Variants in GRK5 observed in about 807,000 individuals in gnomAD.
GRK5 encodes the protein g protein-coupled receptor kinase GRK5.
A neutral mutation model predicts 78.4 loss-of-function variants in GRK5; 40 were observed. The ratio of observed to expected loss-of-function variants is 0.51; its 90% CI spans 0.40 to 0.66. The LOEUF is 0.66. GRK5 is among the 30% of genes least tolerant of loss of function. GRK5 has a pLI of 0.00. For synonymous variants in GRK5, 289 were observed against 296.8 expected (o/e 0.97, Z 0.27); for missense variants, 598 against 759.9 (o/e 0.79, Z 2.50).
intron 2 of GRK5, among the ~76,000 whole-genome samples, chr10:119,349,092 G>A (rs1304522894): frequency 4.6e-5 from 7 of 152,188 alleles, no homozygotes; most frequent in Admixed American, 3.9e-4. Context: ...AGCTCCCAGT[G>A]GGGAGAGGTT....
intron 2 of GRK5, among the ~76,000 whole-genome samples, chr10:119,330,674 C>T (rs1850760531): frequency 6.6e-6 from 1 of 152,152 alleles, no homozygotes; most frequent in Admixed American, 6.6e-5. Context: ...TTGAGATTAA[C>T]TAGCCCTGCC....
At chr10:119,453,407 G>C in intron 15 of GRK5, 131 bp downstream of exon 15, 1 of 1,038,210 alleles carries the variant, frequency 9.6e-7, no homozygotes, top group Non-Finnish European at 1.4e-6. Flanking sequence ...CAGCTTGGAA[G>C]GGCAACTGAT....
chr10:119,417,175 T>A (rs1458548903), intron 4 of GRK5, among the ~76,000 whole-genome samples: 1 of 152,220 alleles, frequency 6.6e-6, no homozygotes, highest in East Asian at 1.9e-4. Context: ...GTAATGCCAC[T>A]GAGGGTGGGT....
In GRK5 at chr10:119,244,379, TAAC is replaced by T. The variant is rs902892107; in HGVS notation, c.52+36421_52+36423del. Among the ~76,000 whole-genome samples the T allele has an allele frequency of 1.1e-4, 17 of 152,260 alleles. No individual in the cohort carries two copies. The South Asian group carries it at 1.7e-3, about 15-fold the overall frequency. On this transcript the variant is annotated intron_variant, in intron 1 of 15. Coordinates refer to ENST00000392870, the MANE Select transcript of GRK5 (RefSeq NM_005308.3). ...TATATAAGGAACTCCTACTATTCAA[TAAC>T]AACAACAACAGCAACAAAAAACCTG...
chr10:119,453,114 G>A lies in GRK5; in HGVS notation c.1543-31G>A, dbSNP rs749909248. The A allele has an allele frequency of 7.5e-5, 105 of 1,390,950 alleles. 1 individual carries two copies. The highest frequency in any genetic ancestry group is 9.1e-5 in the East Asian group (4 of 43,886). The allele number at this position is 1,390,950 out of a possible 1,614,324, so 86.2% of individuals were successfully genotyped here. ...GGGCTTCCTGACTGCCCCAGTTGAC[G>A]GCCTGTGTTTTGTTTTCACGGCCCC... On this transcript the variant is annotated intron_variant, in intron 14 of 15. Coordinates refer to ENST00000392870, the MANE Select transcript of GRK5 (RefSeq NM_005308.3).
intron 3 of GRK5, among the ~76,000 whole-genome samples, chr10:119,394,340 GTGTGGGCA>G (rs1564917053): frequency 4.5e-5 from 4 of 88,062 alleles, no homozygotes; most frequent in Admixed American, 1.0e-4. Context: ...GTGTGTCTGT[GTGTGGGCA>G]TGTGGGTGTG....
intron 3 of GRK5, among the ~76,000 whole-genome samples, chr10:119,392,753 G>C (rs1443201301): frequency 6.6e-6 from 1 of 152,180 alleles, no homozygotes; most frequent in Non-Finnish European, 1.5e-5. Flanking sequence ...GTTTCGGGGA[G>C]GGGACAAGGC....
intron 1 of GRK5, among the ~76,000 whole-genome samples, chr10:119,262,399 C>T (rs987379503): frequency 1.6e-5 from 2 of 124,450 alleles, no homozygotes; most frequent in South Asian, 2.7e-4. Flanking sequence ...AGTGCAGTGG[C>T]GTGATCTCGG....
At chr10:119,374,091 C>T (rs892570950) in intron 2 of GRK5, among the ~76,000 whole-genome samples, 2 of 152,304 alleles carry the variant, frequency 1.3e-5, no homozygotes, top group African/African-American at 4.8e-5. Context: ...TTTTGGAATC[C>T]TGGTTGAAAC....
chr10:119,360,351 C>A (rs117465202), intron 2 of GRK5, among the ~76,000 whole-genome samples: 2 of 152,152 alleles, frequency 1.3e-5, no homozygotes, highest in African/African-American at 4.8e-5. Context: ...GAATGGCACA[C>A]GGGGCTGGGT....
chr10:119,418,364 G>T (rs1217307796), intron 4 of GRK5, among the ~76,000 whole-genome samples: 1 of 152,208 alleles, frequency 6.6e-6, no homozygotes, highest in Non-Finnish European at 1.5e-5. Context: ...CTCAGCGCTG[G>T]GGAGTGATTG....
chr10:119,242,937 A>T (rs1200611335), intron 1 of GRK5, among the ~76,000 whole-genome samples: 1 of 152,050 alleles, frequency 6.6e-6, no homozygotes, highest in African/African-American at 2.4e-5. Context: ...TTCTTATAGC[A>T]ATGTGAAAAC....
chr10:119,443,722 C>A lies in GRK5; in HGVS notation c.1236C>A (p.Phe412Leu), dbSNP rs745587065. Residue 412 changes from phenylalanine (F) to leucine (L), a missense_variant, in exon 12 of 16, where the codon TTC becomes TTA. Coordinates refer to ENST00000392870, the MANE Select transcript of GRK5 (RefSeq NM_005308.3). The part of the protein sequence containing the change: ...LETEEVYSHK[F>L]SEEAKSICKM... ...CGGAGGAGGTGTACTCCCACAAGTTCTCCGAGGAGGCCAAGTCCATCTGCA... is the reference window on the plus strand; with the variant it reads ...CGGAGGAGGTGTACTCCCACAAGTTATCCGAGGAGGCCAAGTCCATCTGCA... 1.9e-6 allele frequency: 3 copies of A among 1,607,552 alleles called. No homozygotes were observed. The highest frequency in any genetic ancestry group is 2.6e-6 in the Non-Finnish European group (3 of 1,175,098).
chr10:119,256,031 C>A (rs1849277709), intron 1 of GRK5, among the ~76,000 whole-genome samples: 1 of 152,122 alleles, frequency 6.6e-6, no homozygotes, highest in Non-Finnish European at 1.5e-5. Flanking sequence ...TTATTGCAAC[C>A]ATTGTGTAAA....
At chr10:119,287,230 GGA>G (rs1446551178) in intron 1 of GRK5, among the ~76,000 whole-genome samples, 1 of 144,144 alleles carries the variant, frequency 6.9e-6, no homozygotes, top group Non-Finnish European at 1.5e-5. Flanking sequence ...AGGAAGGGAG[GGA>G]GAGAGGGAGG....
chr10:119,268,150 C>T (rs1849531358), intron 1 of GRK5, among the ~76,000 whole-genome samples: 1 of 152,200 alleles, frequency 6.6e-6, no homozygotes, highest in Non-Finnish European at 1.5e-5. Context: ...CGCCTAGATG[C>T]AGAAATTTTC....
rs938974713 is a variant in GRK5 at position 119,378,584 on chromosome 10, C to T, written c.149-2231C>T. Among the ~76,000 whole-genome samples the T allele has an allele frequency of 2.0e-5, 3 of 152,270 alleles. No homozygotes were observed. The highest frequency in any genetic ancestry group is 7.2e-5 in the African/African-American group (3 of 41,484). ...GGAGGCAGACAGCGGAGTGCTGAGG[C>T]CGTGTCCCCGTGTGGTGAATAAATG... On this transcript the variant is annotated intron_variant, in intron 2 of 15. Coordinates refer to ENST00000392870, the MANE Select transcript of GRK5 (RefSeq NM_005308.3). The surrounding 1 kb of genome is among the most constrained non-coding windows in gnomAD (Gnocchi z 4.5).
chr10:119,412,414 G>A lies in GRK5; in HGVS notation c.340-10752G>A, dbSNP rs1852364876. 6.6e-6 allele frequency among the ~76,000 whole-genome samples: 1 copy of A among 152,212 alleles called. No individual in the cohort carries two copies. The highest frequency in any genetic ancestry group is 1.5e-5 in the Non-Finnish European group (1 of 68,038). On this transcript the variant is annotated intron_variant, in intron 4 of 15. Coordinates refer to ENST00000392870, the MANE Select transcript of GRK5 (RefSeq NM_005308.3). This position sits in a 1 kb window ranked among gnomAD's most constrained non-coding sequence, Gnocchi z 4.3. The stretch of plus-strand genomic sequence containing the variant: ...GTGCTTGGGCCGAGGGCTGCTGGAT[G>A]TTGGCATCAGGCCCAGGGTGGAGGG...
chr10:119,215,768 C>T (rs1848561228), intron 1 of GRK5, among the ~76,000 whole-genome samples: 1 of 152,074 alleles, frequency 6.6e-6, no homozygotes, highest in Non-Finnish European at 1.5e-5. Flanking sequence ...ATACAGAGCC[C>T]CATGTTCCTT....
Sources: gnomAD v4.1 joint callset for allele counts (sites outside exome capture counted in the v4.1 genomes callset) on GRCh38, gnomAD v4.1.1 for gene constraint, Gnocchi (gnomAD v3.1) non-coding constraint, MANE v1.5 for transcripts, NCBI Gene and HGNC (gene_info 2026-07-23, HGNC 2026-07-21) for gene names.